UNC5C: variants seen among roughly 807,000 people sequenced by gnomAD.
UNC5C encodes netrin receptor UNC5C.
Under a neutral mutation model 99.8 loss-of-function variants are expected in UNC5C, and 47 were observed. The ratio of observed to expected loss-of-function variants is 0.47; its 90% confidence interval spans 0.37 to 0.60. The LOEUF (loss-of-function observed/expected upper bound fraction) is 0.60, where lower values mean the gene tolerates loss of function less well. Among genes scored for constraint, UNC5C ranks in the 20% least tolerant of loss-of-function variants. The pLI is 0.00. For synonymous variants in UNC5C, 487 were observed against 452.2 expected (o/e 1.08, Z -0.98); for missense variants, 1,062 against 1,165.9 (o/e 0.91, Z 1.30).
At chr4:95,530,129 C>G (rs921244687) in intron 1 of UNC5C, among the ~76,000 whole-genome samples, 3 of 152,084 alleles carry the variant, frequency 2.0e-5, no homozygotes, top group African/African-American at 7.2e-5. Flanking sequence ...GTTGGTCTCT[C>G]CTGGTAAATT....
chr4:95,244,519 T>A (rs1739432554), intron 6 of UNC5C, among the ~76,000 whole-genome samples: 1 of 152,224 alleles, frequency 6.6e-6, no homozygotes, highest in African/African-American at 2.4e-5. Context: ...ATAATTCATT[T>A]CAAATGTTGT....
chr4:95,364,004 C>A (rs1177109709), intron 1 of UNC5C, among the ~76,000 whole-genome samples: 1 of 152,188 alleles, frequency 6.6e-6, no homozygotes, highest in Non-Finnish European at 1.5e-5. Flanking sequence ...ACTTTTACAT[C>A]TGTGTTTACC....
chr4:95,514,197 A>G (rs190753034), intron 1 of UNC5C, among the ~76,000 whole-genome samples: 14 of 152,354 alleles, frequency 9.2e-5, no homozygotes, highest in Non-Finnish European at 1.5e-4. Flanking sequence ...ACAACCCAGT[A>G]TCAAATCTGT....
intron 1 of UNC5C, among the ~76,000 whole-genome samples, chr4:95,465,040 T>C (rs747788114): frequency 2.0e-5 from 3 of 152,162 alleles, no homozygotes; most frequent in Non-Finnish European, 4.4e-5. Context: ...GTGTCCCCAG[T>C]GATGGTGAGA....
At chr4:95,298,009 T>C (rs186909828) in intron 3 of UNC5C, among the ~76,000 whole-genome samples, 245 of 152,314 alleles carry the variant, frequency 1.6e-3, no homozygotes, top group Admixed American at 2.7e-3. Context: ...TCCCAACTTA[T>C]CCTCAAAACC....
chr4:95,180,406 C>G (rs1736566584), intron 14 of UNC5C, among the ~76,000 whole-genome samples: 1 of 152,230 alleles, frequency 6.6e-6, no homozygotes, highest in African/African-American at 2.4e-5. Flanking sequence ...CCTGGTTACT[C>G]TCTCTGCACT....
At chr4:95,175,108 C>G (rs1258943531) in intron 14 of UNC5C, among the ~76,000 whole-genome samples, 2 of 152,030 alleles carry the variant, frequency 1.3e-5, no homozygotes, top group Non-Finnish European at 2.9e-5. Context: ...AGGTCTTCCT[C>G]CATCCTTTTA....
intron 2 of UNC5C, among the ~76,000 whole-genome samples, chr4:95,326,040 T>G (rs554247597): frequency 5.3e-5 from 8 of 152,138 alleles, no homozygotes; most frequent in Admixed American, 2.0e-4. Context: ...TCTGGGTTCA[T>G]ATCCTGGCTG....
intron 1 of UNC5C, among the ~76,000 whole-genome samples, chr4:95,472,340 T>C (rs1747995239): frequency 6.6e-6 from 1 of 152,144 alleles, no homozygotes; most frequent in Non-Finnish European, 1.5e-5. Context: ...ATGAGATAGA[T>C]TCAAAGGTAT....
chr4:95,379,794 G>T (rs17023685), intron 1 of UNC5C, among the ~76,000 whole-genome samples: 1 of 152,014 alleles, frequency 6.6e-6, no homozygotes, highest in Non-Finnish European at 1.5e-5. Context: ...CTTCTTAGGC[G>T]CGATAAGGAG....
chr4:95,358,083 T>A (rs1744271555), intron 1 of UNC5C, among the ~76,000 whole-genome samples: 1 of 152,052 alleles, frequency 6.6e-6, no homozygotes, highest in Admixed American at 6.6e-5. Context: ...TCATACAATA[T>A]TTACAAAAAA....
Position 95,415,720 on chromosome 4 carries a change from G to A in UNC5C, c.125-80089C>T, listed in dbSNP as rs374734801. Among the ~76,000 whole-genome samples the A allele has an allele frequency of 1.2e-3, 188 of 152,092 alleles. 1 individual carries two copies. Among genetic ancestry groups the A allele is most frequent in the Middle Eastern group, 6.8e-3 (2 of 294 alleles). ...AACAACTTGATGGTTAGCAACCTTC[G>A]TGGATTGCTATAATTTACTCATCCA... is the stretch of plus-strand genomic sequence containing the variant. On this transcript the variant is annotated intron_variant, in intron 1 of 15. Coordinates refer to ENST00000453304, the MANE Select transcript of UNC5C (RefSeq NM_003728.4).
intron 2 of UNC5C, among the ~76,000 whole-genome samples, chr4:95,303,628 A>T (rs917698453): frequency 6.6e-6 from 1 of 152,198 alleles, no homozygotes; most frequent in Non-Finnish European, 1.5e-5. Context: ...GTGAGCCGAG[A>T]TCGCACCACT....
At chr4:95,483,611 T>C (rs1436052119) in intron 1 of UNC5C, among the ~76,000 whole-genome samples, 3 of 151,814 alleles carry the variant, frequency 2.0e-5, no homozygotes, top group African/African-American at 7.2e-5. Flanking sequence ...TGTATTCTCA[T>C]TAATTCAATT....
At chr4:95,191,689 C>T (rs889957820) in intron 12 of UNC5C, among the ~76,000 whole-genome samples, 5 of 150,630 alleles carry the variant, frequency 3.3e-5, no homozygotes, top group African/African-American at 1.2e-4. Flanking sequence ...CCTCCCCAAT[C>T]ACCTCCTCCC....
At chr4:95,390,448 A>G (rs1745324700) in intron 1 of UNC5C, among the ~76,000 whole-genome samples, 1 of 151,570 alleles carries the variant, frequency 6.6e-6, no homozygotes, top group African/African-American at 2.4e-5. Flanking sequence ...GTTCTATTTT[A>G]GACTACATTC....
intron 1 of UNC5C, among the ~76,000 whole-genome samples, chr4:95,399,799 A>G (rs577518231): frequency 6.6e-6 from 1 of 152,194 alleles, no homozygotes; most frequent in South Asian, 2.1e-4. Flanking sequence ...CTCATTAGTC[A>G]TTTTCTTAGA....
intron 1 of UNC5C, among the ~76,000 whole-genome samples, chr4:95,389,508 G>T (rs28666004): frequency 0.56 from 85,607 of 151,934 alleles, 24,346 homozygotes; most frequent in East Asian, 0.7. Flanking sequence ...AGCTATATGT[G>T]GCTATCTAGC....
chr4:95,520,596 A>ATTTTTTT (rs10712546), intron 1 of UNC5C, among the ~76,000 whole-genome samples: 1 of 98,832 alleles, frequency 1.0e-5, no homozygotes, highest in Non-Finnish European at 2.1e-5. Flanking sequence ...ACTATCTAGT[A>ATTTTTTT]TTTTTTTTTT....
Sources: gnomAD v4.1 joint callset for allele counts (sites outside exome capture counted in the v4.1 genomes callset) on GRCh38, gnomAD v4.1.1 for gene constraint, MANE v1.5 for transcripts, NCBI Gene and HGNC (gene_info 2026-07-23, HGNC 2026-07-21) for gene names.